Variants in GRIK4 observed in about 807,000 individuals in gnomAD.
GRIK4 encodes the protein glutamate ionotropic receptor kainate type subunit 4, also known as glutamate receptor ionotropic, kainate 4.
A neutral mutation model predicts 104.9 loss-of-function variants in GRIK4; 40 were observed. The ratio of observed to expected loss-of-function variants is 0.38; its 90% CI spans 0.30 to 0.50. The LOEUF (loss-of-function observed/expected upper bound fraction) is 0.50. Ranked by LOEUF, GRIK4 falls within the 20% of genes least tolerant of loss-of-function variation. The pLI is 0.93. For missense variants in GRIK4, 1,047 were observed against 1,308.1 expected (o/e 0.80, Z 3.08); for synonymous variants, 485 against 524.9 (o/e 0.92, Z 1.04).
chr11:120,624,796 C>G (rs1188937922), intron 1 of GRIK4, among the ~76,000 whole-genome samples: 1 of 152,148 alleles, frequency 6.6e-6, no homozygotes, highest in Non-Finnish European at 1.5e-5. Context: ...CAGCTTCTCT[C>G]CCTGCCTGCT....
chr11:120,817,925 A>G (rs936547376), intron 5 of GRIK4, among the ~76,000 whole-genome samples: 2 of 152,228 alleles, frequency 1.3e-5, no homozygotes, highest in Admixed American at 6.5e-5. Flanking sequence ...TTGAACTATT[A>G]TATACCCTAC....
At chr11:120,710,808 T>C (rs1950719116) in intron 3 of GRIK4, among the ~76,000 whole-genome samples, 1 of 152,204 alleles carries the variant, frequency 6.6e-6, no homozygotes, top group Non-Finnish European at 1.5e-5. Context: ...TTTTAAATGT[T>C]AATGATTTGT....
At chr11:120,864,492 G>A (rs1034923286) in intron 9 of GRIK4, among the ~76,000 whole-genome samples, 6 of 151,948 alleles carry the variant, frequency 3.9e-5, no homozygotes, top group East Asian at 3.9e-4. Context: ...CGCCCGCCTC[G>A]GCCTCCCAAA....
intron 19 of GRIK4, among the ~76,000 whole-genome samples, chr11:120,973,849 T>G (rs1213199826): frequency 1.3e-5 from 2 of 152,190 alleles, no homozygotes; most frequent in African/African-American, 2.4e-5. Context: ...TGGTATATAA[T>G]TCGTTGTTCA....
intron 3 of GRIK4, among the ~76,000 whole-genome samples, chr11:120,785,543 T>C (rs1246780366): frequency 2.0e-5 from 3 of 152,214 alleles, no homozygotes; most frequent in African/African-American, 7.2e-5. Flanking sequence ...TCATGTTCTT[T>C]AGCTAATTGT....
At chr11:120,529,648 A>G (rs555376207) in intron 1 of GRIK4, among the ~76,000 whole-genome samples, 2 of 152,368 alleles carry the variant, frequency 1.3e-5, no homozygotes, top group East Asian at 1.9e-4. Flanking sequence ...CTGTGAAACA[A>G]GGTGGAGATG....
At chr11:120,676,004 T>C (rs1441278100) in intron 3 of GRIK4, among the ~76,000 whole-genome samples, 2 of 152,226 alleles carry the variant, frequency 1.3e-5, no homozygotes, top group Non-Finnish European at 2.9e-5. Flanking sequence ...GTTGCATTCC[T>C]GTCTGAAGGC....
intron 16 of GRIK4, among the ~76,000 whole-genome samples, chr11:120,957,994 TCA>T (rs1944202738): frequency 6.6e-6 from 1 of 152,158 alleles, no homozygotes; most frequent in Admixed American, 6.5e-5. Flanking sequence ...ACTGAATGGA[TCA>T]CCATGGAGAA....
Position 120,967,444 on chromosome 11 carries a change from A to T in GRIK4, c.2395+121A>T, listed in dbSNP as rs769872289. ...ACCCATTGAGAACGGCCTTGGAAGG[A>T]ACCTAGGTATAAAGTGGGCTGGCGG... is the stretch of plus-strand genomic sequence containing the variant. On this transcript the variant is annotated intron_variant, in intron 19 of 20. Coordinates refer to ENST00000527524, the MANE Select transcript of GRIK4 (RefSeq NM_014619.5). This position sits in a 1 kb window ranked among gnomAD's most constrained non-coding sequence, Gnocchi z 4.2. 9.5e-7 allele frequency: 1 copy of T among 1,051,190 alleles called. No homozygotes were observed. Among genetic ancestry groups the T allele is most frequent in the Non-Finnish European group, 1.3e-6 (1 of 743,600 alleles). 65.1% of individuals were successfully genotyped at this position (1,051,190 alleles called of 1,614,324 possible).
At chr11:120,545,599 C>G (rs1054227187) in intron 1 of GRIK4, among the ~76,000 whole-genome samples, 6 of 152,162 alleles carry the variant, frequency 3.9e-5, no homozygotes, top group African/African-American at 1.4e-4. Context: ...GGTCACACAG[C>G]GAAGAAGTGA....
chr11:120,777,359 C>T (rs775079864), intron 3 of GRIK4, among the ~76,000 whole-genome samples: 3 of 152,210 alleles, frequency 2.0e-5, no homozygotes, highest in Non-Finnish European at 4.4e-5. Context: ...TGGTTTAGCC[C>T]ATCTCCTCCT....
At chr11:120,634,234 A>G (rs544707730) in intron 1 of GRIK4, among the ~76,000 whole-genome samples, 2 of 152,032 alleles carry the variant, frequency 1.3e-5, no homozygotes, top group Admixed American at 6.5e-5. Context: ...TTCCTGACGC[A>G]CTCTCTCTGT....
chr11:120,687,525 A>G (rs1950294598), intron 3 of GRIK4, among the ~76,000 whole-genome samples: 2 of 151,586 alleles, frequency 1.3e-5, no homozygotes, highest in Non-Finnish European at 2.9e-5. Context: ...ATCTGTTTCT[A>G]TTGTGTGTTG....
At chr11:120,864,571 G>A (rs186300464) in intron 9 of GRIK4, among the ~76,000 whole-genome samples, 56 of 152,272 alleles carry the variant, frequency 3.7e-4, no homozygotes, top group African/African-American at 1.3e-3. Context: ...TGAAAGGCTT[G>A]CAGTACAATA....
intron 1 of GRIK4, among the ~76,000 whole-genome samples, chr11:120,631,979 C>T (rs1215619534): frequency 6.6e-6 from 1 of 152,170 alleles, no homozygotes; most frequent in Non-Finnish European, 1.5e-5. Context: ...CAGTCAGGGG[C>T]AAGCTCCTTA....
At chr11:120,837,419 C>T (rs531969876) in intron 8 of GRIK4, among the ~76,000 whole-genome samples, 248 of 152,298 alleles carry the variant, frequency 1.6e-3, no homozygotes, top group South Asian at 4.6e-3. Context: ...GTCAGGAAGC[C>T]GTTCAGCCTT....
chr11:120,522,493 TG>T (rs1262099593), intron 1 of GRIK4, among the ~76,000 whole-genome samples: 1 of 152,126 alleles, frequency 6.6e-6, no homozygotes, highest in East Asian at 1.9e-4. Flanking sequence ...GGCTAATTTT[TG>T]TATTTTTATA....
intron 14 of GRIK4, among the ~76,000 whole-genome samples, chr11:120,945,111 C>A (rs960547566): frequency 3.3e-5 from 5 of 152,200 alleles, no homozygotes; most frequent in African/African-American, 9.6e-5. Flanking sequence ...TCTTTGCCTG[C>A]AAGCACCTTT....
intron 8 of GRIK4, among the ~76,000 whole-genome samples, chr11:120,843,852 C>T (rs767024031): frequency 6.6e-6 from 1 of 152,100 alleles, no homozygotes; most frequent in Non-Finnish European, 1.5e-5. Flanking sequence ...GGGGAGAATG[C>T]CCCATCAGGT....
Sources: allele counts gnomAD v4.1 joint callset (sites outside exome capture counted in the v4.1 genomes callset), GRCh38; gene constraint gnomAD v4.1.1; non-coding constraint Gnocchi (gnomAD v3.1); transcripts MANE v1.5; gene names NCBI Gene and HGNC (gene_info 2026-07-23, HGNC 2026-07-21).